The following CBFA2T2 variants were observed in gnomAD, a reference collection of about 807,000 sequenced individuals.
CBFA2T2 encodes the protein protein CBFA2T2.
A neutral mutation model predicts 62.2 loss-of-function variants in CBFA2T2; 11 were observed. The observed-to-expected ratio is 0.18, with a 90% CI of 0.11 to 0.29. CBFA2T2 has a LOEUF of 0.29. Ranked by LOEUF, CBFA2T2 falls within the 10% of genes least tolerant of loss-of-function variation. The pLI is 1.00. For missense variants in CBFA2T2, 592 were observed against 774.1 expected, an observed-to-expected ratio of 0.76 and a Z score of 2.79; for synonymous variants, 295 against 287.5, an observed-to-expected ratio of 1.03 and a Z score of -0.27.
At chr20:33,643,753 C>CCA (rs2016934688) in intron 10 of CBFA2T2, among the ~76,000 whole-genome samples, 1 of 56,964 alleles carries the variant, frequency 1.8e-5, no homozygotes, top group Admixed American at 1.9e-4. Flanking sequence ...CTCATCTCTA[C>CCA]TATATATATA....
chr20:33,562,756 G>A (rs897837243), intron 1 of CBFA2T2: 7 of 777,118 alleles, frequency 9.0e-6, no homozygotes, highest in African/African-American at 1.9e-5. Context: ...TTCAAATTAC[G>A]ATGATATGAA....
At chr20:33,553,821 TA>T (rs2012810082) in intron 1 of CBFA2T2, among the ~76,000 whole-genome samples, 1 of 152,226 alleles carries the variant, frequency 6.6e-6, no homozygotes, top group African/African-American at 2.4e-5. Context: ...AAAATGATTT[TA>T]TTTTTGTATG....
intron 1 of CBFA2T2, among the ~76,000 whole-genome samples, chr20:33,505,746 A>G (rs1600906362): frequency 6.6e-6 from 1 of 151,436 alleles, no homozygotes. Flanking sequence ...GCGCCATTGC[A>G]CTCCAGCCTG....
At chr20:33,600,475 A>G (rs1247441421) in intron 1 of CBFA2T2, 9 of 413,516 alleles carry the variant, frequency 2.2e-5, no homozygotes, top group Non-Finnish European at 4.3e-5. Context: ...GGTATGAGCC[A>G]CTGCACCCGG....
At chr20:33,536,213 G>C (rs1235121832) in intron 1 of CBFA2T2, among the ~76,000 whole-genome samples, 2 of 152,086 alleles carry the variant, frequency 1.3e-5, no homozygotes, top group African/African-American at 4.8e-5. Context: ...TGGTGGCCGG[G>C]CAGAGGGGCT....
At chr20:33,590,242 T>G (rs1331126706) in intron 1 of CBFA2T2, among the ~76,000 whole-genome samples, 1 of 150,476 alleles carries the variant, frequency 6.6e-6, no homozygotes, top group Non-Finnish European at 1.5e-5. Flanking sequence ...GTCTCATCTT[T>G]TTTTACAAAA....
chr20:33,492,561 C>G (rs1307983992), intron 1 of CBFA2T2, among the ~76,000 whole-genome samples: 1 of 152,106 alleles, frequency 6.6e-6, no homozygotes, highest in Admixed American at 6.6e-5. Context: ...GTCACCCAGA[C>G]TGGAGTGCAG....
At position 33,520,835 on chromosome 20, in the gene CBFA2T2, A is replaced by G. The variant is rs974231254; in HGVS notation, c.34+30534A>G. 3.9e-5 allele frequency among the ~76,000 whole-genome samples: 6 copies of G among 151,998 alleles called. No individual in the cohort carries two copies. In the East Asian group the frequency reaches 1.2e-3, roughly 29 times the overall value. ...TTCAAACTAACTCGTGGACTATGGC[A>G]TAAAATCATTTGTTACTCATGAGTG... On this transcript the variant is annotated intron_variant, in intron 1 of 10. Coordinates refer to ENST00000342704, the MANE Select transcript of CBFA2T2 (RefSeq NM_001032999.3).
intron 1 of CBFA2T2, among the ~76,000 whole-genome samples, chr20:33,497,121 A>G (rs1468166710): frequency 2.0e-5 from 3 of 151,858 alleles, no homozygotes; most frequent in Non-Finnish European, 4.4e-5. Flanking sequence ...TAAAAATACA[A>G]AATTAGCTGG....
chr20:33,562,457 A>G lies in CBFA2T2; in HGVS notation c.35-44499A>G, dbSNP rs538304778. On this transcript the variant is annotated intron_variant, in intron 1 of 10. Coordinates refer to ENST00000342704, the MANE Select transcript of CBFA2T2 (RefSeq NM_001032999.3). ...GGCAGGACCTTCCCATCTGGGATCC[A>G]TCTGTGTTTCCCTGGAATGGGACAG... 6 of 985,898 alleles carry G rather than the reference A, an allele frequency of 6.1e-6. No individual in the cohort carries two copies. The East Asian group carries it at 5.7e-4, about 93-fold the overall frequency. 61.1% of individuals were successfully genotyped at this position (985,898 alleles called of 1,614,324 possible). A position where few individuals can be genotyped will look rare whatever the true frequency, so the allele number is the denominator to read the frequency against.
intron 1 of CBFA2T2, among the ~76,000 whole-genome samples, chr20:33,500,293 C>T (rs373467929): frequency 6.6e-6 from 1 of 152,002 alleles, no homozygotes; most frequent in Admixed American, 6.6e-5. Flanking sequence ...CGCATGGCTT[C>T]TTTTTGCTAG....
intron 9 of CBFA2T2, among the ~76,000 whole-genome samples, chr20:33,637,635 T>C (rs1240546141): frequency 6.6e-6 from 1 of 152,018 alleles, no homozygotes; most frequent in Non-Finnish European, 1.5e-5. Flanking sequence ...ATTAAGTGAG[T>C]ACCTGCAGAT....
intron 1 of CBFA2T2, among the ~76,000 whole-genome samples, chr20:33,544,747 A>G (rs1258521161): frequency 6.6e-6 from 1 of 151,862 alleles, no homozygotes; most frequent in African/African-American, 2.4e-5. Flanking sequence ...GGGTTTCACC[A>G]TATTGGGCAG....
chr20:33,540,638 ATG>A (rs1408821132), intron 1 of CBFA2T2, among the ~76,000 whole-genome samples: 1 of 152,242 alleles, frequency 6.6e-6, no homozygotes, highest in Non-Finnish European at 1.5e-5. Flanking sequence ...TGACTAGAGA[ATG>A]ATTTATTGGG....
chr20:33,510,373 G>C (rs561035484), intron 1 of CBFA2T2, among the ~76,000 whole-genome samples: 3 of 151,902 alleles, frequency 2.0e-5, no homozygotes, highest in Non-Finnish European at 1.5e-5. Context: ...ACCACGCCCG[G>C]CTAATTTTTT....
intron 10 of CBFA2T2, among the ~76,000 whole-genome samples, chr20:33,643,825 ATGTG>A (rs58366038): frequency 0.012 from 889 of 73,304 alleles, 42 homozygotes; most frequent in African/African-American, 0.03. Flanking sequence ...ATAGTATATA[ATGTG>A]TGTGTGTGTG....
intron 6 of CBFA2T2, among the ~76,000 whole-genome samples, chr20:33,627,001 A>G (rs192238660): frequency 2.0e-5 from 3 of 152,168 alleles, no homozygotes; most frequent in South Asian, 2.1e-4. Context: ...TCAGACCCCA[A>G]TTGTCTTATG....
In CBFA2T2 at chr20:33,647,291, T is replaced by C. The variant is rs1429523480; in HGVS notation, c.*2645T>C. 1 of 152,268 alleles carries C rather than the reference T, an allele frequency of 6.6e-6. No homozygotes were observed. Among genetic ancestry groups the C allele is most frequent in the Non-Finnish European group, 1.5e-5 (1 of 68,070 alleles). The allele number at this position is 152,268 out of a possible 1,614,324, so 9.4% of individuals were successfully genotyped here. A position where few individuals can be genotyped will look rare whatever the true frequency, so the allele number is the denominator to read the frequency against. ...GTTTTTTATTGTTATTTTGTTTGTT[T>C]GTTTGTTTTGAGACGGGAGTTTCTC... On this transcript the variant is annotated 3_prime_UTR_variant, in exon 11 of 11. Coordinates refer to ENST00000342704, the MANE Select transcript of CBFA2T2 (RefSeq NM_001032999.3).
intron 1 of CBFA2T2, among the ~76,000 whole-genome samples, chr20:33,509,959 A>G (rs2011477978): frequency 6.6e-6 from 1 of 151,468 alleles, no homozygotes; most frequent in Non-Finnish European, 1.5e-5. Context: ...TCCTAATGCT[A>G]TCCTGCCCCC....
Sources: allele counts gnomAD v4.1 joint callset (sites outside exome capture counted in the v4.1 genomes callset), GRCh38; gene constraint gnomAD v4.1.1; transcripts MANE v1.5; gene names NCBI Gene and HGNC (gene_info 2026-07-23, HGNC 2026-07-21).